Variants in RFTN1 observed in about 807,000 individuals in gnomAD.
The protein encoded by RFTN1 is raftlin, lipid raft linker 1, also known as raftlin.
RFTN1 carries 26 observed loss-of-function variants against 46.5 expected under a neutral mutation model. That is an observed-to-expected ratio of 0.56 (90% confidence interval 0.41 to 0.78). The LOEUF is 0.78. Among genes scored for constraint, RFTN1 ranks in the 30% least tolerant of loss-of-function variants. The pLI is 0.00. For synonymous variants in RFTN1, 261 were observed against 284.2 expected (o/e 0.92, Z 0.82); for missense variants, 693 against 718.7 (o/e 0.96, Z 0.41).
At chr3:16,367,830 G>A (rs1401619798) in intron 6 of RFTN1, among the ~76,000 whole-genome samples, 4 of 152,140 alleles carry the variant, frequency 2.6e-5, no homozygotes, top group Non-Finnish European at 2.9e-5. Flanking sequence ...GTTTGTGAAC[G>A]TTCCAAGTGT....
intron 5 of RFTN1, among the ~76,000 whole-genome samples, chr3:16,373,839 T>C (rs537541433): frequency 1.5e-4 from 23 of 152,132 alleles, no homozygotes; most frequent in East Asian, 3.9e-4. Flanking sequence ...AAGGTTTGCA[T>C]TGGGAAGGGA....
Position 16,498,314 on chromosome 3 carries a change from G to T in RFTN1, c.-8-4437C>A, listed in dbSNP as rs543575614. Among the ~76,000 whole-genome samples, 1 of 152,254 alleles carries T rather than the reference G, an allele frequency of 6.6e-6. No individual in the cohort carries two copies. Among genetic ancestry groups the T allele is most frequent in the Non-Finnish European group, 1.5e-5 (1 of 68,020 alleles). ...CAGCAGCAGAATGCAGTCAATCACA[G>T]GCAGTGAATTAATGTAACCAAGCCA... On this transcript the variant is annotated intron_variant, in intron 1 of 9. Coordinates refer to ENST00000334133, the MANE Select transcript of RFTN1 (RefSeq NM_015150.2). This position sits in a 1 kb window ranked among gnomAD's most constrained non-coding sequence, Gnocchi z 5.2.
In RFTN1 at chr3:16,429,616, C is replaced by G. The variant is rs2075346604; in HGVS notation, c.332+4235G>C. Among the ~76,000 whole-genome samples the G allele has an allele frequency of 6.6e-6, 1 of 152,184 alleles. No individual in the cohort carries two copies. The highest frequency in any genetic ancestry group is 1.5e-5 in the Non-Finnish European group (1 of 68,018). On this transcript the variant is annotated intron_variant, in intron 3 of 9. Transcript: ENST00000334133. This position sits in a 1 kb window ranked among gnomAD's most constrained non-coding sequence, Gnocchi z 6.4. ...CAACTGAGCCTGGCATTTGCACTCT[C>G]TAACTTCCCACCACATAGAGCTCCT...
intron 5 of RFTN1, among the ~76,000 whole-genome samples, chr3:16,375,036 A>AAGGAGGGAAG (rs1235278147): frequency 4.6e-5 from 7 of 152,288 alleles, no homozygotes; most frequent in Admixed American, 1.3e-4. Context: ...AACTGAGGAG[A>AAGGAGGGAAG]AGGAGGGAAG....
chr3:16,485,594 A>G (rs2076436247), intron 2 of RFTN1, among the ~76,000 whole-genome samples: 1 of 152,254 alleles, frequency 6.6e-6, no homozygotes, highest in East Asian at 1.9e-4. Context: ...AAGCAAAACT[A>G]TTCAACAGTG....
intron 6 of RFTN1, among the ~76,000 whole-genome samples, chr3:16,368,651 C>A (rs1198754898): frequency 1.4e-5 from 2 of 146,328 alleles, no homozygotes; most frequent in African/African-American, 2.5e-5. Context: ...AGCACTCCAG[C>A]CTGGGCGACA....
intron 2 of RFTN1, among the ~76,000 whole-genome samples, chr3:16,455,391 C>T (rs1334450605): frequency 1.3e-5 from 2 of 152,148 alleles, no homozygotes; most frequent in African/African-American, 4.8e-5. Flanking sequence ...TTTTTCAAAT[C>T]CACTGGGAAG....
rs1490989893 is a variant in RFTN1, at chr3:16,344,481, C to G, written c.1146+13451G>C. 6.6e-6 allele frequency among the ~76,000 whole-genome samples: 1 copy of G among 152,138 alleles called. No individual in the cohort carries two copies. Among genetic ancestry groups the G allele is most frequent in the East Asian group, 1.9e-4 (1 of 5,194 alleles). On this transcript the variant is annotated intron_variant, in intron 7 of 9. Transcript: ENST00000334133. The surrounding 1 kb of genome is among the most constrained non-coding windows in gnomAD (Gnocchi z 4.4). ...TCCAGAGTCTTCCCCACTCTCAGACCTGCCCTGGCCTTCTTCCCCCTCGCC... is the reference window on the plus strand; with the variant it reads ...TCCAGAGTCTTCCCCACTCTCAGACGTGCCCTGGCCTTCTTCCCCCTCGCC...
rs750754904 is a variant in RFTN1 at position 16,481,217 on chromosome 3, C to T, written c.145+12508G>A. Among the ~76,000 whole-genome samples, 26 of 152,148 alleles carry T rather than the reference C, an allele frequency of 1.7e-4. No individual in the cohort carries two copies. The highest frequency in any genetic ancestry group is 3.2e-4 in the Non-Finnish European group (22 of 68,024). On this transcript the variant is annotated intron_variant, in intron 2 of 9. Coordinates refer to ENST00000334133, the MANE Select transcript of RFTN1 (RefSeq NM_015150.2). This position sits in a 1 kb window ranked among gnomAD's most constrained non-coding sequence, Gnocchi z 5.1. ...TGAATATTTAACAATAACACTAACGCTAATAGCAGACTTGGTCGCAACATC... is the reference window on the plus strand; with the variant it reads ...TGAATATTTAACAATAACACTAACGTTAATAGCAGACTTGGTCGCAACATC...
chr3:16,317,060 C>CCCT lies in RFTN1; in HGVS notation c.1502_1504dup (p.Glu501dup), dbSNP rs774576026. The CCCT allele has an allele frequency of 2.0e-5, 32 of 1,613,840 alleles. No individual in the cohort carries two copies. The African/African-American group carries it at 3.9e-4, about 20-fold the overall frequency. Reference sequence around the variant, plus strand: ...GCCCTTCATCTCCTCGGAGACTCCACCCTCCTGCTGCTGTCCTGAAACACA... The same window carrying CCCT: ...GCCCTTCATCTCCTCGGAGACTCCACCCTCCTCCTGCTGCTGTCCTGAAACACA... On this transcript the variant is annotated inframe_insertion, in exon 10 of 10. Transcript: ENST00000334133. This position sits in a 1 kb window ranked among gnomAD's most constrained non-coding sequence, Gnocchi z 4.3.
At position 16,345,550 on chromosome 3, in the gene RFTN1, G is replaced by A. The variant is rs1382590072; in HGVS notation, c.1146+12382C>T. 1.3e-5 allele frequency among the ~76,000 whole-genome samples: 2 copies of A among 152,104 alleles called. No homozygotes were observed. The highest frequency in any genetic ancestry group is 2.9e-5 in the Non-Finnish European group (2 of 68,028). ...CATTGAGGACCTGAACAGAACAAAGGGTGGAGGAAGGCTGAATTAACACCG... is the reference window on the plus strand; with the variant it reads ...CATTGAGGACCTGAACAGAACAAAGAGTGGAGGAAGGCTGAATTAACACCG... On this transcript the variant is annotated intron_variant, in intron 7 of 9. Coordinates refer to ENST00000334133, the MANE Select transcript of RFTN1 (RefSeq NM_015150.2). The surrounding 1 kb of genome is among the most constrained non-coding windows in gnomAD (Gnocchi z 5.2).
At chr3:16,358,724 A>G (rs946495623) in intron 6 of RFTN1, among the ~76,000 whole-genome samples, 4 of 152,144 alleles carry the variant, frequency 2.6e-5, no homozygotes, top group South Asian at 2.1e-4. Context: ...TATCTTAGGC[A>G]ATGAGGGTAA....
chr3:16,347,794 A>G (rs1013762197), intron 7 of RFTN1: 1 of 152,240 alleles, frequency 6.6e-6, no homozygotes, highest in Non-Finnish European at 1.5e-5. Context: ...AATAACTTTT[A>G]TCTCGATTTG....
chr3:16,407,794 TCCC>T lies in RFTN1; in HGVS notation c.441+1578_441+1580del, dbSNP rs1432393626. On this transcript the variant is annotated intron_variant, in intron 4 of 9. Transcript: ENST00000334133. The surrounding 1 kb of genome is among the most constrained non-coding windows in gnomAD (Gnocchi z 4.0). ...ATGTGAACAAAAGCTACTTCCCCCCTCCCCCATTTCTTAAATAATAATCTGAAT... is the reference window on the plus strand; with the variant it reads ...ATGTGAACAAAAGCTACTTCCCCCCTCCATTTCTTAAATAATAATCTGAAT... Among the ~76,000 whole-genome samples, 1 of 151,814 alleles carries T rather than the reference TCCC, an allele frequency of 6.6e-6. No homozygotes were observed. The highest frequency in any genetic ancestry group is 1.5e-5 in the Non-Finnish European group (1 of 67,938).
chr3:16,392,385 A>T (rs556894223), intron 4 of RFTN1, among the ~76,000 whole-genome samples: 3 of 152,080 alleles, frequency 2.0e-5, no homozygotes, highest in African/African-American at 7.2e-5. Flanking sequence ...GGTTAGTTCA[A>T]ATTCCCACAC....
rs981876437 is a variant in RFTN1, at chr3:16,341,580, C to T, written c.1147-14704G>A. On this transcript the variant is annotated intron_variant, in intron 7 of 9. Coordinates refer to ENST00000334133, the MANE Select transcript of RFTN1 (RefSeq NM_015150.2). The surrounding 1 kb of genome is among the most constrained non-coding windows in gnomAD (Gnocchi z 4.7). ...GTATGGGAACTCTGTAGATTCAGTT[C>T]AGTTTTGCTATGAACCTAAAACTAC... 1.3e-5 allele frequency among the ~76,000 whole-genome samples: 2 copies of T among 152,114 alleles called. No homozygotes were observed. The highest frequency in any genetic ancestry group is 2.4e-5 in the African/African-American group (1 of 41,408).
In RFTN1 at chr3:16,460,779, G is replaced by GAGCT. The variant is rs749183745; in HGVS notation, c.146-26746_146-26743dup. Among the ~76,000 whole-genome samples the GAGCT allele has an allele frequency of 6.6e-6, 1 of 152,140 alleles. No individual in the cohort carries two copies. Among genetic ancestry groups the GAGCT allele is most frequent in the East Asian group, 1.9e-4 (1 of 5,204 alleles). ...GTCTAAAACCATAGAGAATATTTTA[G>GAGCT]AGCTAGATGGTTCCAGAAAATCTGA... On this transcript the variant is annotated intron_variant, in intron 2 of 9. Transcript: ENST00000334133. The surrounding 1 kb of genome is among the most constrained non-coding windows in gnomAD (Gnocchi z 4.8).
chr3:16,350,877 G>T (rs774598128), intron 7 of RFTN1, among the ~76,000 whole-genome samples: 2 of 152,180 alleles, frequency 1.3e-5, no homozygotes. Flanking sequence ...AAAAAAGCCA[G>T]ATGGTTTAAA....
At chr3:16,406,512 C>A (rs957529898) in intron 4 of RFTN1, among the ~76,000 whole-genome samples, 1 of 152,172 alleles carries the variant, frequency 6.6e-6, no homozygotes. Context: ...GGAGACACTG[C>A]GGGTCAGAAA....
Sources: gnomAD v4.1 joint callset for allele counts (sites outside exome capture counted in the v4.1 genomes callset) on GRCh38, gnomAD v4.1.1 for gene constraint, Gnocchi (gnomAD v3.1) non-coding constraint, MANE v1.5 for transcripts, NCBI Gene and HGNC (gene_info 2026-07-23, HGNC 2026-07-21) for gene names.